PLXNA4: variants seen among roughly 807,000 people sequenced by gnomAD.
The protein encoded by PLXNA4 is plexin A4.
Under a neutral mutation model 191.8 loss-of-function variants are expected in PLXNA4, and 44 were observed. The ratio of observed to expected loss-of-function variants is 0.23; its 90% CI spans 0.18 to 0.29. The LOEUF (loss-of-function observed/expected upper bound fraction) is 0.29, where lower values mean the gene tolerates loss of function less well. Among genes scored for constraint, PLXNA4 ranks in the 10% least tolerant of loss-of-function variants. The pLI is 1.00. For missense variants in PLXNA4, 1,800 were observed against 2,488.8 expected, an observed-to-expected ratio of 0.72 and a Z score of 5.89; for synonymous variants, 1,082 against 1,009.5, an observed-to-expected ratio of 1.07 and a Z score of -1.36.
At chr7:132,529,441 T>G (rs1799535681) in intron 1 of PLXNA4, among the ~76,000 whole-genome samples, 1 of 152,188 alleles carries the variant, frequency 6.6e-6, no homozygotes, top group African/African-American at 2.4e-5. Context: ...TCATGGAATT[T>G]GGGACATGAA....
intron 10 of PLXNA4, among the ~76,000 whole-genome samples, chr7:132,204,878 T>A (rs1164625534): frequency 6.6e-6 from 1 of 152,188 alleles, no homozygotes; most frequent in Non-Finnish European, 1.5e-5. Context: ...ATTGCCCTCA[T>A]ACAGCAACCA....
At chr7:132,285,602 T>C (rs1563012421) in intron 4 of PLXNA4, among the ~76,000 whole-genome samples, 1 of 152,242 alleles carries the variant, frequency 6.6e-6, no homozygotes, top group Non-Finnish European at 1.5e-5. Flanking sequence ...TTTACCCTTT[T>C]ATACCTATAT....
chr7:132,525,660 G>A (rs890448665), intron 1 of PLXNA4, among the ~76,000 whole-genome samples: 8 of 152,176 alleles, frequency 5.3e-5, no homozygotes, highest in Non-Finnish European at 7.3e-5. Context: ...GAAAACTTGT[G>A]AACAAATGCC....
At chr7:132,332,148 T>C (rs976006762) in intron 3 of PLXNA4, among the ~76,000 whole-genome samples, 3 of 152,210 alleles carry the variant, frequency 2.0e-5, no homozygotes, top group African/African-American at 4.8e-5. Flanking sequence ...CTCTGCCTTC[T>C]TGTACCTGTG....
intron 4 of PLXNA4, among the ~76,000 whole-genome samples, chr7:132,288,930 C>T (rs1216543298): frequency 1.3e-5 from 2 of 152,162 alleles, no homozygotes; most frequent in Admixed American, 6.5e-5. Flanking sequence ...GAGACAGGGA[C>T]AGACACTGAG....
intron 1 of PLXNA4, among the ~76,000 whole-genome samples, chr7:132,552,187 T>C (rs886424091): frequency 1.3e-5 from 2 of 152,084 alleles, no homozygotes; most frequent in Admixed American, 6.5e-5. Flanking sequence ...AAGACATTAA[T>C]TGGGGCAGGA....
In PLXNA4 at chr7:132,226,433, G is replaced by A. The variant is rs554715592; in HGVS notation, c.1883-173C>T. 3.9e-5 allele frequency among the ~76,000 whole-genome samples: 6 copies of A among 152,300 alleles called. 1 individual carries two copies. The South Asian group carries it at 8.3e-4, about 21-fold the overall frequency. On this transcript the variant is annotated intron_variant, in intron 7 of 31. Transcript: ENST00000321063. Reference sequence around the variant, plus strand: ...GACAACCCTGAGAGCAGCTGCAGAGGGCAGTTCTTGTCTATTCTCCCTGCC... The same window carrying A: ...GACAACCCTGAGAGCAGCTGCAGAGAGCAGTTCTTGTCTATTCTCCCTGCC...
chr7:132,454,825 T>G (rs1209767332), intron 3 of PLXNA4, among the ~76,000 whole-genome samples: 1 of 152,036 alleles, frequency 6.6e-6, no homozygotes, highest in Non-Finnish European at 1.5e-5. Context: ...TACCTTGATC[T>G]TGGGCATCCA....
intron 2 of PLXNA4, among the ~76,000 whole-genome samples, chr7:132,598,237 T>C (rs1802753906): frequency 1.3e-5 from 2 of 152,194 alleles, no homozygotes; most frequent in Non-Finnish European, 2.9e-5. Flanking sequence ...GCCTCCCCAG[T>C]AGCTGGGACT....
At chr7:132,378,757 C>T (rs181414034) in intron 3 of PLXNA4, among the ~76,000 whole-genome samples, 2 of 152,072 alleles carry the variant, frequency 1.3e-5, no homozygotes, top group Admixed American at 1.3e-4. Flanking sequence ...TTTGAAATTT[C>T]ACTCAATGGT....
chr7:132,475,156 C>T (rs1797076518), intron 3 of PLXNA4, among the ~76,000 whole-genome samples: 1 of 152,136 alleles, frequency 6.6e-6, no homozygotes, highest in African/African-American at 2.4e-5. Context: ...AGGGCAGACA[C>T]CTGGGCATGA....
intron 2 of PLXNA4, among the ~76,000 whole-genome samples, chr7:132,626,819 T>C (rs575777269): frequency 1.3e-5 from 2 of 152,166 alleles, no homozygotes; most frequent in Non-Finnish European, 2.9e-5. Context: ...GGTGCATGCA[T>C]CTCAGCCCAA....
chr7:132,401,017 A>T (rs1486039883), intron 3 of PLXNA4, among the ~76,000 whole-genome samples: 1 of 152,194 alleles, frequency 6.6e-6, no homozygotes, highest in Admixed American at 6.6e-5. Context: ...GCGACCTGAC[A>T]TGCACGATCT....
At position 132,342,767 on chromosome 7, in the gene PLXNA4, C is replaced by T. The variant is rs749693912; in HGVS notation, c.1372-44545G>A. Among the ~76,000 whole-genome samples, 7 of 151,676 alleles carry T rather than the reference C, an allele frequency of 4.6e-5. No homozygotes were observed. The South Asian group carries it at 6.3e-4, about 14-fold the overall frequency. ...TTCGAGACCAACCTGGCCAACATGG[C>T]GAAATCCCATCTCTACTAAAACTAC... is the stretch of plus-strand genomic sequence containing the variant. On this transcript the variant is annotated intron_variant, in intron 3 of 31. Transcript: ENST00000321063.
intron 28 of PLXNA4, among the ~76,000 whole-genome samples, chr7:132,146,122 G>A (rs1320026811): frequency 6.6e-6 from 1 of 150,424 alleles, no homozygotes; most frequent in Non-Finnish European, 1.5e-5. Flanking sequence ...ATGGTGCCTG[G>A]GAAGTCGTGA....
At chr7:132,224,241 C>T (rs188797675) in intron 8 of PLXNA4, among the ~76,000 whole-genome samples, 35 of 152,284 alleles carry the variant, frequency 2.3e-4, no homozygotes, top group South Asian at 8.3e-4. Context: ...ATGCCCTTCA[C>T]GGTATAGATG....
chr7:132,354,508 G>A (rs778485482), intron 3 of PLXNA4, among the ~76,000 whole-genome samples: 23 of 152,162 alleles, frequency 1.5e-4, no homozygotes, highest in Non-Finnish European at 3.1e-4. Flanking sequence ...TGATCATAAT[G>A]CATCATCATT....
At position 132,304,822 on chromosome 7, in the gene PLXNA4, T is replaced by C. The variant is rs6970435; in HGVS notation, c.1372-6600A>G. Among the ~76,000 whole-genome samples, 1,426 of 150,882 alleles carry C rather than the reference T, an allele frequency of 9.5e-3. 18 individuals are homozygous for C. The highest frequency in any genetic ancestry group is 0.032 in the African/African-American group (1,328 of 41,282). ...CCCCCTGTCCTCTGCTGCAACCCCT[T>C]TGTGTCTCCCAGGGACCTTCAAGCT... On this transcript the variant is annotated intron_variant, in intron 3 of 31. Transcript: ENST00000321063.
chr7:132,365,360 T>TGTGTGTGTGTGTGTGTGTGTGCGC, intron 3 of PLXNA4, among the ~76,000 whole-genome samples: 1 of 128,742 alleles, frequency 7.8e-6, no homozygotes, highest in African/African-American at 3.0e-5. Flanking sequence ...TGTGTGTGTG[T>TGTGTGTGTGTGTGTGTGTGTGCGC]GCGTGCGCGC....
Sources: gnomAD v4.1 joint callset for allele counts (sites outside exome capture counted in the v4.1 genomes callset) on GRCh38, gnomAD v4.1.1 for gene constraint, MANE v1.5 for transcripts, NCBI Gene and HGNC (gene_info 2026-07-23, HGNC 2026-07-21) for gene names.